The following NRXN3 variants were observed in gnomAD, a reference collection of about 807,000 sequenced individuals.
NRXN3 encodes the protein neurexin III.
In NRXN3, 32 loss-of-function variants were observed where a neutral mutation model predicts 137.6. The ratio of observed to expected loss-of-function variants is 0.23; its 90% CI spans 0.18 to 0.31. The LOEUF is 0.31. Among genes scored for constraint, NRXN3 ranks in the 10% least tolerant of loss-of-function variants. The pLI is 1.00. For synonymous variants in NRXN3, 798 were observed against 784.5 expected (o/e 1.02, Z -0.29); for missense variants, 1,574 against 2,062.5 (o/e 0.76, Z 4.59).
rs762357143 is a variant in NRXN3 at position 78,784,413 on chromosome 14, A to AG, written c.2045-19205dup. On this transcript the variant is annotated intron_variant, in intron 8 of 20. Transcript: ENST00000335750. ...ATAGTAGATGATGAGCTGTAAAGTA[A>AG]GGTCACCAGGTGGCTCTAAGTCCAA... Among the ~76,000 whole-genome samples, 271 of 152,346 alleles carry AG rather than the reference A, an allele frequency of 1.8e-3. 1 individual carries two copies. Among genetic ancestry groups the AG allele is most frequent in the Non-Finnish European group, 2.7e-3 (185 of 68,032 alleles).
chr14:79,689,000 G>T (rs2098705949), intron 17 of NRXN3, among the ~76,000 whole-genome samples: 1 of 152,064 alleles, frequency 6.6e-6, no homozygotes, highest in Admixed American at 6.6e-5. Context: ...TTTATTTGAA[G>T]ATCTCTTTGT....
chr14:78,710,092 T>C (rs1170921143), intron 7 of NRXN3, among the ~76,000 whole-genome samples: 4 of 152,238 alleles, frequency 2.6e-5, no homozygotes, highest in Non-Finnish European at 5.9e-5. Context: ...CAAGAATTTA[T>C]GCAACAATAC....
At chr14:78,365,085 C>A (rs930648847) in intron 4 of NRXN3, among the ~76,000 whole-genome samples, 1 of 151,892 alleles carries the variant, frequency 6.6e-6, no homozygotes, top group Non-Finnish European at 1.5e-5. Flanking sequence ...ACATCTCATT[C>A]TTTTTACATT....
intron 15 of NRXN3, among the ~76,000 whole-genome samples, chr14:79,300,240 G>A (rs561757161): frequency 7.2e-5 from 11 of 152,038 alleles, no homozygotes; most frequent in Non-Finnish European, 1.2e-4. Flanking sequence ...ATTTAAACTC[G>A]TTTCTCTAAT....
Position 79,362,047 on chromosome 14 carries a change from C to T in NRXN3, c.3263-105174C>T, listed in dbSNP as rs187346209. Among the ~76,000 whole-genome samples the T allele has an allele frequency of 1.0e-3, 154 of 148,374 alleles. 2 individuals carry two copies. In the East Asian group the frequency reaches 0.027, roughly 26 times the overall value. On this transcript the variant is annotated intron_variant, in intron 15 of 20. Coordinates refer to ENST00000335750, the MANE Select transcript of NRXN3 (RefSeq NM_001330195.2). ...TTATTATTATTATTTGCAACCTCTG[C>T]CTCCAGGTTTCCAACAATTCTTCTG... is the stretch of plus-strand genomic sequence containing the variant.
intron 8 of NRXN3, among the ~76,000 whole-genome samples, chr14:78,730,141 C>A (rs2098508078): frequency 6.6e-6 from 1 of 152,086 alleles, no homozygotes; most frequent in African/African-American, 2.4e-5. Context: ...TATAGAGCGG[C>A]AAGATTCAGT....
chr14:79,356,921 G>A (rs561522173), intron 15 of NRXN3, among the ~76,000 whole-genome samples: 12 of 152,128 alleles, frequency 7.9e-5, no homozygotes, highest in African/African-American at 2.9e-4. Flanking sequence ...TAGAGGCAGA[G>A]TTTCACTTTG....
chr14:79,581,924 A>AT (rs1602427496), intron 16 of NRXN3, among the ~76,000 whole-genome samples: 1 of 151,966 alleles, frequency 6.6e-6, no homozygotes, highest in Non-Finnish European at 1.5e-5. Context: ...TCAGGAAGTA[A>AT]TTTTTTTATT....
At chr14:78,296,500 A>C (rs1001882990) in intron 3 of NRXN3, among the ~76,000 whole-genome samples, 1 of 152,142 alleles carries the variant, frequency 6.6e-6, no homozygotes, top group Non-Finnish European at 1.5e-5. Context: ...TCTTCTTACT[A>C]TACCCTTCCC....
chr14:78,371,920 A>G (rs2086904216), intron 4 of NRXN3, among the ~76,000 whole-genome samples: 1 of 152,190 alleles, frequency 6.6e-6, no homozygotes, highest in South Asian at 2.1e-4. Context: ...CACTAGTATT[A>G]TCCCCATTTT....
chr14:79,469,576 T>C (rs147775859), intron 16 of NRXN3, among the ~76,000 whole-genome samples: 22 of 152,096 alleles, frequency 1.4e-4, no homozygotes, highest in African/African-American at 5.3e-4. Flanking sequence ...ACATTTTATA[T>C]CAAAATGTAA....
chr14:79,065,597 A>C (rs1595555795), intron 15 of NRXN3, among the ~76,000 whole-genome samples: 3 of 152,096 alleles, frequency 2.0e-5, no homozygotes, highest in Admixed American at 6.6e-5. Flanking sequence ...TGTTCTGGAG[A>C]CTAGAAGTAT....
chr14:78,230,320 C>CTCTG (rs1370605209), intron 1 of NRXN3, among the ~76,000 whole-genome samples: 2 of 148,630 alleles, frequency 1.3e-5, no homozygotes, highest in African/African-American at 5.0e-5. Flanking sequence ...CTGTCTCTGT[C>CTCTG]TCTGTCTGTC....
intron 15 of NRXN3, among the ~76,000 whole-genome samples, chr14:79,162,813 C>T (rs1292344986): frequency 6.6e-6 from 1 of 151,876 alleles, no homozygotes; most frequent in Non-Finnish European, 1.5e-5. Context: ...TGCCCTGGTA[C>T]TGAGGCTGTG....
chr14:79,498,069 G>A (rs928891129), intron 16 of NRXN3, among the ~76,000 whole-genome samples: 2 of 151,996 alleles, frequency 1.3e-5, no homozygotes, highest in African/African-American at 4.8e-5. Flanking sequence ...AAAAAACCAG[G>A]AAGAACATAT....
intron 15 of NRXN3, among the ~76,000 whole-genome samples, chr14:79,013,960 C>A (rs901860238): frequency 1.3e-5 from 2 of 152,156 alleles, no homozygotes; most frequent in African/African-American, 4.8e-5. Flanking sequence ...AACACCTGGA[C>A]TTCTCAAAGG....
In NRXN3 at chr14:79,470,965, T is replaced by A. The variant is rs868545796; in HGVS notation, c.3444+3563T>A. 7.4e-3 allele frequency among the ~76,000 whole-genome samples: 1,078 copies of A among 146,648 alleles called. 7 individuals carry two copies. The highest frequency in any genetic ancestry group is 0.053 in the East Asian group (243 of 4,590). On this transcript the variant is annotated intron_variant, in intron 16 of 20. Transcript: ENST00000335750. ...AAGAGAGAGAGAGTGTGTGTGTGTG[T>A]GTGTGTGTGTGTGTGTGTGTGTGTG... is the stretch of plus-strand genomic sequence containing the variant.
At chr14:79,096,919 A>C (rs2050452365) in intron 15 of NRXN3, among the ~76,000 whole-genome samples, 1 of 152,080 alleles carries the variant, frequency 6.6e-6, no homozygotes, top group African/African-American at 2.4e-5. Flanking sequence ...AGAGAAATTT[A>C]GATTTTTGAG....
In NRXN3 at chr14:78,670,207, C is replaced by T. The variant is rs111639943; in HGVS notation, c.1221+18881C>T. Among the ~76,000 whole-genome samples, 1,314 of 152,138 alleles carry T rather than the reference C, an allele frequency of 8.6e-3. 11 individuals are homozygous for T. The highest frequency in any genetic ancestry group is 0.011 in the African/African-American group (451 of 41,514). On this transcript the variant is annotated intron_variant, in intron 6 of 20. Coordinates refer to ENST00000335750, the MANE Select transcript of NRXN3 (RefSeq NM_001330195.2). ...ACATGAACTCATCCTTTTTTATGGC[C>T]GCATAGTATTCCATGGTGTATATGT... is the stretch of plus-strand genomic sequence containing the variant.
Sources: allele counts gnomAD v4.1 joint callset (sites outside exome capture counted in the v4.1 genomes callset), GRCh38; gene constraint gnomAD v4.1.1; transcripts MANE v1.5; gene names NCBI Gene and HGNC (gene_info 2026-07-23, HGNC 2026-07-21).